The following CTTNBP2NL variants were observed in gnomAD, a reference collection of about 807,000 sequenced individuals.
CTTNBP2NL encodes the protein CTTNBP2 N-terminal-like protein.
CTTNBP2NL carries 16 observed loss-of-function variants against 32.5 expected under a neutral mutation model. The observed-to-expected ratio is 0.49, with a 90% CI of 0.33 to 0.75. The LOEUF (loss-of-function observed/expected upper bound fraction) is 0.75. Among genes scored for constraint, CTTNBP2NL ranks in the 30% least tolerant of loss-of-function variants. The pLI, the probability that CTTNBP2NL is intolerant of heterozygous loss-of-function variation, is 0.02. For synonymous variants in CTTNBP2NL, 298 were observed against 289.4 expected (o/e 1.03, Z -0.30); for missense variants, 645 against 756.0 (o/e 0.85, Z 1.72).
At chr1:112,427,253 G>A (rs909191183) in intron 3 of CTTNBP2NL, among the ~76,000 whole-genome samples, 6 of 152,178 alleles carry the variant, frequency 3.9e-5, no homozygotes, top group African/African-American at 1.2e-4. Context: ...GTATTTTTCC[G>A]AAGGCATTTT....
intron 3 of CTTNBP2NL, among the ~76,000 whole-genome samples, chr1:112,439,571 T>C (rs918692743): frequency 1.3e-5 from 2 of 152,206 alleles, no homozygotes; most frequent in African/African-American, 4.8e-5. Flanking sequence ...TTTTAAAATA[T>C]ATTAACCTTG....
At chr1:112,418,020 CTTTG>C (rs1343838836) in intron 3 of CTTNBP2NL, among the ~76,000 whole-genome samples, 1 of 151,968 alleles carries the variant, frequency 6.6e-6, no homozygotes, top group Non-Finnish European at 1.5e-5. Flanking sequence ...AGGTTTTGGT[CTTTG>C]TTCTAAATAG....
intron 3 of CTTNBP2NL, among the ~76,000 whole-genome samples, chr1:112,424,395 G>C (rs1247427802): frequency 2.0e-5 from 3 of 152,108 alleles, no homozygotes; most frequent in Admixed American, 6.6e-5. Flanking sequence ...TGTCTACCTT[G>C]ATGCCAGTAC....
At chr1:112,404,473 A>C (rs1648600752) in intron 1 of CTTNBP2NL, among the ~76,000 whole-genome samples, 1 of 152,158 alleles carries the variant, frequency 6.6e-6, no homozygotes. Context: ...CCAGTGTGGA[A>C]TCTTAGTGGA....
chr1:112,447,272 T>TAAAAAA (rs35522134), intron 3 of CTTNBP2NL, among the ~76,000 whole-genome samples: 3 of 69,698 alleles, frequency 4.3e-5, no homozygotes, highest in African/African-American at 1.1e-4. Context: ...AGACTCCATC[T>TAAAAAA]AAAAAAAAAA....
At chr1:112,414,195 GTC>G (rs1648988187) in intron 2 of CTTNBP2NL, among the ~76,000 whole-genome samples, 2 of 151,952 alleles carry the variant, frequency 1.3e-5, no homozygotes, top group African/African-American at 4.8e-5. Context: ...GTGAAACCCC[GTC>G]TCTACTAAAA....
chr1:112,423,789 T>A (rs1649304440), intron 3 of CTTNBP2NL, among the ~76,000 whole-genome samples: 1 of 152,254 alleles, frequency 6.6e-6, no homozygotes, highest in East Asian at 1.9e-4. Flanking sequence ...AGTGATGCGA[T>A]CTCGGCTCAC....
chr1:112,458,140 GAA>G lies in CTTNBP2NL; in HGVS notation c.*730_*731del, dbSNP rs1196132483. On this transcript the variant is annotated 3_prime_UTR_variant, in exon 6 of 6. Transcript: ENST00000271277. ...TCCTGCATAAGTTCTTGAACAGAATGAAATCACATCTCCATTCAAAAAATGTC... is the reference window on the plus strand; with the variant it reads ...TCCTGCATAAGTTCTTGAACAGAATGATCACATCTCCATTCAAAAAATGTC... 3.3e-5 allele frequency: 5 copies of G among 152,600 alleles called. No individual in the cohort carries two copies. The highest frequency in any genetic ancestry group is 5.9e-5 in the Non-Finnish European group (4 of 68,028). The allele number at this position is 152,600 out of a possible 1,614,324, so 9.5% of individuals were successfully genotyped here.
At chr1:112,430,289 G>A (rs1412995152) in intron 3 of CTTNBP2NL, among the ~76,000 whole-genome samples, 1 of 151,496 alleles carries the variant, frequency 6.6e-6, no homozygotes. Context: ...GCAGTGGCAT[G>A]ATCTCAGCTC....
Position 112,416,160 on chromosome 1 carries a change from T to G in CTTNBP2NL, c.-6T>G. On this transcript the variant is annotated 5_prime_UTR_variant, in exon 3 of 6. Transcript: ENST00000271277. ...CTGATTGTTACCTTTGTTTCAGGCT[T>G]TCAAGATGAATCTGGAAAAACTCAG... 1 of 1,541,234 alleles carries G rather than the reference T, an allele frequency of 6.5e-7. No homozygotes were observed. Among genetic ancestry groups the G allele is most frequent in the Non-Finnish European group, 8.9e-7 (1 of 1,121,476 alleles).
In CTTNBP2NL at chr1:112,420,757, G is replaced by A. The variant is rs929668360; in HGVS notation, c.99+4493G>A. Among the ~76,000 whole-genome samples, 9 of 152,182 alleles carry A rather than the reference G, an allele frequency of 5.9e-5. No homozygotes were observed. The South Asian group carries it at 1.0e-3, about 18-fold the overall frequency. On this transcript the variant is annotated intron_variant, in intron 3 of 5. Transcript: ENST00000271277. ...GCTGGGATTACAGGCATGAGCCACC[G>A]TGCCAGCCTATTCCTGCTCTCTCTG... is the stretch of plus-strand genomic sequence containing the variant.
chr1:112,409,534 T>G (rs1557885299), intron 1 of CTTNBP2NL, among the ~76,000 whole-genome samples: 1 of 152,096 alleles, frequency 6.6e-6, no homozygotes, highest in African/African-American at 2.4e-5. Flanking sequence ...TGGAAAGAAA[T>G]AAAGCCTCAG....
At chr1:112,454,898 A>C (rs186103628) in intron 5 of CTTNBP2NL, among the ~76,000 whole-genome samples, 1 of 152,328 alleles carries the variant, frequency 6.6e-6, no homozygotes, top group East Asian at 1.9e-4. Flanking sequence ...TGTAGCTCTC[A>C]AACTTTTGAC....
At position 112,457,183 on chromosome 1, in the gene CTTNBP2NL, C is replaced by T. The variant is rs778427315; in HGVS notation, c.1691C>T (p.Pro564Leu). ...TCCAGTCCCCTGAGCCCCCTGTCTCCAGGAATCAAGTCCCCAACCATCCCC... is the reference window on the plus strand; with the variant it reads ...TCCAGTCCCCTGAGCCCCCTGTCTCTAGGAATCAAGTCCCCAACCATCCCC... ...KVSSPLSPLS[P>L]GIKSPTIPRA... The change falls in exon 6 of 6, where the codon CCA becomes CTA. Residue 564 changes from proline (P) to leucine (L), a missense_variant. By Grantham distance (98) the Pro-to-Leu change is moderately conservative. Coordinates refer to ENST00000271277, the MANE Select transcript of CTTNBP2NL (RefSeq NM_018704.3). 1.2e-6 allele frequency: 2 copies of T among 1,614,166 alleles called. No individual in the cohort carries two copies. Among genetic ancestry groups the T allele is most frequent in the South Asian group, 1.1e-5 (1 of 91,072 alleles).
Position 112,456,727 on chromosome 1 carries a change from C to G in CTTNBP2NL, c.1235C>G (p.Ser412Ter). The change falls in exon 6 of 6, where the codon TCA (serine) becomes TGA (stop). Residue 412 changes from serine (S) to a stop codon, truncating the protein, a stop_gained. Coordinates refer to ENST00000271277, the MANE Select transcript of CTTNBP2NL (RefSeq NM_018704.3). LOFTEE classifies it low-confidence loss of function (END_TRUNC). ...AGTCCCCTCTCTTCCAGTGGGAGCT[C>G]ACTGTCTCCCAGCAGCACTGCCTCC... ...MPSPLSSSGS[S>*]LSPSSTASSS... is the part of the protein sequence containing the mutation. 6.2e-7 allele frequency: 1 copy of G among 1,614,020 alleles called. No individual in the cohort carries two copies.
intron 2 of CTTNBP2NL, 99 bp downstream of exon 2, chr1:112,412,416 G>T (rs1005395711): frequency 6.6e-6 from 1 of 152,092 alleles, no homozygotes; most frequent in African/African-American, 2.4e-5. Flanking sequence ...ATTTATTGCA[G>T]TGTCTATATA....
intron 1 of CTTNBP2NL, among the ~76,000 whole-genome samples, chr1:112,397,306 A>G (rs1648359805): frequency 6.6e-6 from 1 of 152,208 alleles, no homozygotes; most frequent in Non-Finnish European, 1.5e-5. Flanking sequence ...CCTTGAAGGT[A>G]TACTGCAGGT....
chr1:112,392,376 T>G (rs75031031), upstream of CTTNBP2NL, among the ~76,000 whole-genome samples: 2 of 152,338 alleles, frequency 1.3e-5, no homozygotes, highest in East Asian at 3.9e-4. Flanking sequence ...GATTAATGTA[T>G]CTAGCATATA....
chr1:112,416,341 G>A (rs1649064094), intron 3 of CTTNBP2NL, 77 bp downstream of exon 3: 6 of 779,542 alleles, frequency 7.7e-6, no homozygotes, highest in Non-Finnish European at 1.0e-5. Context: ...ATTTAACTAA[G>A]GTATTTCTGC....
Sources: allele counts gnomAD v4.1 joint callset (sites outside exome capture counted in the v4.1 genomes callset), GRCh38; gene constraint gnomAD v4.1.1; transcripts MANE v1.5; gene names NCBI Gene and HGNC (gene_info 2026-07-23, HGNC 2026-07-21).